The following DHRSX variants were observed in gnomAD, a reference collection of about 807,000 sequenced individuals.
The protein encoded by DHRSX is dehydrogenase/reductase X-linked.
In DHRSX, 31 loss-of-function variants were observed where a neutral mutation model predicts 34.0. The ratio of observed to expected loss-of-function variants is 0.91; its 90% CI spans 0.69 to 1.23. DHRSX has a LOEUF of 1.23. DHRSX is among the 50% of genes most tolerant of loss of function. DHRSX has a pLI of 0.00. For missense variants in DHRSX, 414 were observed against 428.1 expected, an observed-to-expected ratio of 0.97 and a Z score of 0.29; for synonymous variants, 201 against 183.8, an observed-to-expected ratio of 1.09 and a Z score of -0.76.
chrX:2,290,004 T>C (rs949502304), intron 4 of DHRSX, among the ~76,000 whole-genome samples: 10 of 152,256 alleles, frequency 6.6e-5, no homozygotes, highest in Admixed American at 6.5e-5. Flanking sequence ...TCACACATCA[T>C]AGCTATGTCT....
intron 5 of DHRSX, among the ~76,000 whole-genome samples, chrX:2,259,750 C>A (rs1348577585): frequency 6.6e-6 from 1 of 151,866 alleles, no homozygotes; most frequent in African/African-American, 2.4e-5. Context: ...GAGTCCCTGA[C>A]CCCGTGGTCA....
intron 3 of DHRSX, among the ~76,000 whole-genome samples, chrX:2,313,218 G>A (rs1251469747): frequency 3.3e-5 from 5 of 151,890 alleles, no homozygotes; most frequent in South Asian, 2.1e-4. Context: ...TGGCCAGGCT[G>A]GTCTTGAACT....
At chrX:2,343,965 A>C (rs2042671063) in intron 3 of DHRSX, among the ~76,000 whole-genome samples, 1 of 152,184 alleles carries the variant, frequency 6.6e-6, no homozygotes, top group Admixed American at 6.5e-5. Context: ...GGCTCAAGCC[A>C]TTTCAGTACT....
At chrX:2,289,917 C>G (rs1271478359) in intron 4 of DHRSX, among the ~76,000 whole-genome samples, 1 of 152,224 alleles carries the variant, frequency 6.6e-6, no homozygotes, top group Non-Finnish European at 1.5e-5. Flanking sequence ...ACAGGAGCCA[C>G]TAGCACTGAT....
At chrX:2,236,642 G>T (rs949745743) in intron 6 of DHRSX, among the ~76,000 whole-genome samples, 8 of 152,056 alleles carry the variant, frequency 5.3e-5, no homozygotes, top group Non-Finnish European at 1.2e-4. Context: ...ACGTTGGCCA[G>T]GCTGGTCTCG....
intron 1 of DHRSX, among the ~76,000 whole-genome samples, chrX:2,484,872 G>A (rs1273059992): frequency 1.5e-5 from 2 of 136,132 alleles, no homozygotes; most frequent in South Asian, 2.4e-4. Flanking sequence ...CTGCACTCAC[G>A]AGCAAATGAA....
At chrX:2,464,326 TTCCCTA>T (rs2044450172) in intron 1 of DHRSX, among the ~76,000 whole-genome samples, 1 of 68,514 alleles carries the variant, frequency 1.5e-5, no homozygotes, top group African/African-American at 7.6e-5. Flanking sequence ...ACTGAAGAGG[TTCCCTA>T]GCAATCCGGC....
chrX:2,462,244 C>T (rs910361211), intron 1 of DHRSX, among the ~76,000 whole-genome samples: 2 of 151,030 alleles, frequency 1.3e-5, no homozygotes, highest in African/African-American at 4.9e-5. Context: ...GCAGTTTCCA[C>T]AAACGCCAGC....
intron 1 of DHRSX, among the ~76,000 whole-genome samples, chrX:2,467,225 T>G (rs1460633145): frequency 1.3e-5 from 2 of 152,092 alleles, no homozygotes; most frequent in African/African-American, 4.8e-5. Flanking sequence ...TGAGAAGGAT[T>G]CCTTTCTACG....
intron 3 of DHRSX, among the ~76,000 whole-genome samples, chrX:2,327,232 C>A (rs1351473838): frequency 6.6e-6 from 1 of 152,216 alleles, no homozygotes. Context: ...GATCTGACTC[C>A]TTCAGTGAAG....
chrX:2,298,618 A>ACGCACACGCACGCG (rs2041969399), intron 3 of DHRSX, among the ~76,000 whole-genome samples: 1 of 135,364 alleles, frequency 7.4e-6, no homozygotes, highest in African/African-American at 3.8e-5. Flanking sequence ...ACACACACAC[A>ACGCACACGCACGCG]CACACACACA....
intron 3 of DHRSX, among the ~76,000 whole-genome samples, chrX:2,344,137 G>T (rs900612770): frequency 6.6e-6 from 1 of 152,148 alleles, no homozygotes; most frequent in Non-Finnish European, 1.5e-5. Context: ...ATGAGAGCGG[G>T]CTCCAGCAAG....
At chrX:2,449,189 CAAAA>C (rs57586340) in intron 1 of DHRSX, among the ~76,000 whole-genome samples, 7,733 of 143,768 alleles carry the variant, frequency 0.054, 259 homozygotes, top group East Asian at 0.089. Flanking sequence ...AACTCTGTCT[CAAAA>C]AAAAAAAAAA....
chrX:2,333,753 A>G (rs1362186573), intron 3 of DHRSX, among the ~76,000 whole-genome samples: 6 of 151,454 alleles, frequency 4.0e-5, no homozygotes, highest in African/African-American at 1.5e-4. Context: ...CCCACCCTTC[A>G]CCCTCAAGCA....
chrX:2,226,744 G>T (rs950548941), intron 6 of DHRSX, among the ~76,000 whole-genome samples: 5 of 151,818 alleles, frequency 3.3e-5, no homozygotes, highest in Non-Finnish European at 7.4e-5. Context: ...GCAGTGAGCC[G>T]AGATGGCGCC....
At chrX:2,246,400 G>A (rs1243435988) in intron 5 of DHRSX, among the ~76,000 whole-genome samples, 1 of 152,052 alleles carries the variant, frequency 6.6e-6, no homozygotes. Context: ...GAGGTGGGCA[G>A]ATCACCAGGT....
intron 3 of DHRSX, among the ~76,000 whole-genome samples, chrX:2,340,446 C>CTGTGTGTGTGTG (rs779075679): frequency 6.6e-6 from 1 of 150,574 alleles, no homozygotes; most frequent in African/African-American, 2.4e-5. Context: ...GTGCGTCTGT[C>CTGTGTGTGTGTG]TGTGTGTGTG....
intron 1 of DHRSX, chrX:2,489,994 G>A (rs1169759245): frequency 5.0e-6 from 8 of 1,613,788 alleles, no homozygotes; most frequent in Non-Finnish European, 5.9e-6. Context: ...TCTCCGCCGT[G>A]TTCTCTTCGG....
intron 3 of DHRSX, among the ~76,000 whole-genome samples, chrX:2,310,595 TAAGC>T (rs1272013456): frequency 1.2e-3 from 175 of 143,384 alleles, no homozygotes; most frequent in Non-Finnish European, 2.0e-3. Flanking sequence ...AGAGAGAAAA[TAAGC>T]AAGAGAGAGG....
Sources: allele counts gnomAD v4.1 joint callset (sites outside exome capture counted in the v4.1 genomes callset), GRCh38; gene constraint gnomAD v4.1.1; transcripts MANE v1.5; gene names NCBI Gene and HGNC (gene_info 2026-07-23, HGNC 2026-07-21).